NFIC: variants seen among roughly 807,000 people sequenced by gnomAD.
NFIC encodes nuclear factor 1 C-type.
A neutral mutation model predicts 54.4 loss-of-function variants in NFIC; 12 were observed. The observed-to-expected ratio is 0.22, with a 90% CI of 0.14 to 0.36. The LOEUF is 0.36. Among genes scored for constraint, NFIC ranks in the 10% least tolerant of loss-of-function variants. The probability of loss-of-function intolerance (pLI) is 1.00; values close to 1 mark genes in which losing one functional copy is unlikely to be tolerated. For synonymous variants in NFIC, 322 were observed against 319.2 expected (o/e 1.01, Z -0.09); for missense variants, 575 against 718.2 (o/e 0.80, Z 2.28).
chr19:3,420,422 C>T (rs927381594), intron 2 of NFIC, among the ~76,000 whole-genome samples: 2 of 151,884 alleles, frequency 1.3e-5, no homozygotes, highest in Admixed American at 6.6e-5. Flanking sequence ...CGTGGTGGCA[C>T]GTGCCTGTAA....
In NFIC at chr19:3,452,101, C is replaced by CAAAAAA. The variant is rs777727186; in HGVS notation, c.1085-364_1085-359dup. 3.7e-5 allele frequency among the ~76,000 whole-genome samples: 2 copies of CAAAAAA among 54,528 alleles called. No homozygotes were observed. Among genetic ancestry groups the CAAAAAA allele is most frequent in the Non-Finnish European group, 8.2e-5 (2 of 24,414 alleles). The allele number at this position is 54,528 out of a possible 152,430, so 35.8% of individuals were successfully genotyped here. On this transcript the variant is annotated intron_variant, in intron 7 of 10. Coordinates refer to ENST00000443272, the MANE Select transcript of NFIC (RefSeq NM_001245002.2). This position sits in a 1 kb window ranked among gnomAD's most constrained non-coding sequence, Gnocchi z 5.3. ...TGCACTCCAGCCTGGGTGACTGTCT[C>CAAAAAA]AAAAAAAAAAAAAAAAAAAAAAGAC...
chr19:3,394,423 C>T (rs1025287010), intron 2 of NFIC, among the ~76,000 whole-genome samples: 7 of 150,716 alleles, frequency 4.6e-5, no homozygotes, highest in African/African-American at 1.7e-4. Context: ...GGGGCTCCAG[C>T]GAGCTGTGAT....
Position 3,443,030 on chromosome 19 carries a change from C to G in NFIC, c.959-5984C>G, listed in dbSNP as rs910784088. Among the ~76,000 whole-genome samples the G allele has an allele frequency of 4.1e-4, 63 of 152,174 alleles. 1 individual carries two copies. The highest frequency in any genetic ancestry group is 1.3e-4 in the Non-Finnish European group (9 of 68,028). Reference sequence around the variant, plus strand: ...GCTCTTGACATGGAGTGGGTCGAGGCCAGGGATGCTGCTTAGCACCCTGCA... The same window carrying G: ...GCTCTTGACATGGAGTGGGTCGAGGGCAGGGATGCTGCTTAGCACCCTGCA... On this transcript the variant is annotated intron_variant, in intron 6 of 10. Coordinates refer to ENST00000443272, the MANE Select transcript of NFIC (RefSeq NM_001245002.2).
intron 6 of NFIC, among the ~76,000 whole-genome samples, chr19:3,442,947 C>T (rs1174366050): frequency 1.3e-5 from 2 of 152,264 alleles, no homozygotes; most frequent in African/African-American, 4.8e-5. Context: ...GATGCTGCCC[C>T]ACCCCCAGGG....
chr19:3,464,783 C>T lies in NFIC; in HGVS notation c.*2014C>T, dbSNP rs1471534263. On this transcript the variant is annotated 3_prime_UTR_variant, in exon 11 of 11. Transcript: ENST00000443272. ...AGAGAGGTTCGCCATCCTCTGGCCT[C>T]GAGCCCTTGGTCCCTCCGTCCGTCT... 6 of 904,178 alleles carry T rather than the reference C, an allele frequency of 6.6e-6. No individual in the cohort carries two copies. Among genetic ancestry groups the T allele is most frequent in the Non-Finnish European group, 7.9e-6 (6 of 755,704 alleles). The allele number at this position is 904,178 out of a possible 1,614,324, so 56.0% of individuals were successfully genotyped here.
intron 6 of NFIC, among the ~76,000 whole-genome samples, chr19:3,446,740 G>C (rs1186501271): frequency 6.6e-6 from 1 of 152,150 alleles, no homozygotes; most frequent in African/African-American, 2.4e-5. Flanking sequence ...ACTTGAAAAA[G>C]CTTCTCTGGG....
rs368085339 is a variant in NFIC, at chr19:3,449,161, C to T, written c.1084+22C>T. The T allele has an allele frequency of 2.4e-5, 38 of 1,602,550 alleles. No homozygotes were observed. In the Admixed American group the frequency reaches 3.1e-4, roughly 13 times the overall value. ...AGCGGTAAGCGCCACGGGCCCCTGG[C>T]GGGGAGGGGCGGCGGGCCCTCCTAT... is the stretch of plus-strand genomic sequence containing the variant. On this transcript the variant is annotated intron_variant, in intron 7 of 10. Coordinates refer to ENST00000443272, the MANE Select transcript of NFIC (RefSeq NM_001245002.2).
At chr19:3,420,639 T>C (rs1483003615) in intron 2 of NFIC, among the ~76,000 whole-genome samples, 1 of 151,866 alleles carries the variant, frequency 6.6e-6, no homozygotes, top group Non-Finnish European at 1.5e-5. Flanking sequence ...ATTAATCAAA[T>C]AGCAATAGTA....
chr19:3,444,979 G>A (rs374437335), intron 6 of NFIC, among the ~76,000 whole-genome samples: 410 of 151,926 alleles, frequency 2.7e-3, no homozygotes, highest in Non-Finnish European at 3.4e-3. Context: ...ATATATTCAC[G>A]TGCACACGCA....
intron 2 of NFIC, among the ~76,000 whole-genome samples, chr19:3,412,347 A>G (rs764887090): frequency 7.9e-5 from 12 of 152,112 alleles, no homozygotes; most frequent in Non-Finnish European, 1.6e-4. Flanking sequence ...TCCTGGATTC[A>G]AGCCATCCCC....
At chr19:3,373,531 C>T (rs948734341) in intron 1 of NFIC, among the ~76,000 whole-genome samples, 1 of 151,774 alleles carries the variant, frequency 6.6e-6, no homozygotes, top group Non-Finnish European at 1.5e-5. Flanking sequence ...TTGCATGACC[C>T]ATTTCTCCAT....
rs1398219862 is a variant in NFIC, at chr19:3,466,511, C to T, written c.*3742C>T. The T allele has an allele frequency of 6.6e-6, 1 of 152,248 alleles. No homozygotes were observed. Among genetic ancestry groups the T allele is most frequent in the African/African-American group, 2.4e-5 (1 of 41,434 alleles). The allele number at this position is 152,248 out of a possible 1,614,324, so 9.4% of individuals were successfully genotyped here. A position where few individuals can be genotyped will look rare whatever the true frequency, so the allele number is the denominator to read the frequency against. On this transcript the variant is annotated 3_prime_UTR_variant, in exon 11 of 11. Coordinates refer to ENST00000443272, the MANE Select transcript of NFIC (RefSeq NM_001245002.2). This position sits in a 1 kb window ranked among gnomAD's most constrained non-coding sequence, Gnocchi z 4.8. ...TCATACACTCATCCCGTGTTTTCTT[C>T]CAAAAAGTCACCTCAGCAGCCTCCC...
At chr19:3,385,819 G>A (rs1208870458) in intron 2 of NFIC, among the ~76,000 whole-genome samples, 3 of 151,806 alleles carry the variant, frequency 2.0e-5, no homozygotes, top group Non-Finnish European at 4.4e-5. Flanking sequence ...TGATCCACCC[G>A]CCTCGGCCTC....
chr19:3,428,710 C>T (rs1344503064), intron 3 of NFIC, among the ~76,000 whole-genome samples: 1 of 152,090 alleles, frequency 6.6e-6, no homozygotes, highest in Non-Finnish European at 1.5e-5. Flanking sequence ...GGCCTGGTCC[C>T]CTGGGGAGCT....
Position 3,444,253 on chromosome 19 carries a change from AGAG to A in NFIC, c.959-4756_959-4754del, listed in dbSNP as rs1314362405. Reference sequence around the variant, plus strand: ...GATGAGGGCCTTTTGTCAAATACAGAGAGGAGGTCAGATGGGCGTGTGTGTTAA... The same window carrying A: ...GATGAGGGCCTTTTGTCAAATACAGAGAGGTCAGATGGGCGTGTGTGTTAA... On this transcript the variant is annotated intron_variant, in intron 6 of 10. Coordinates refer to ENST00000443272, the MANE Select transcript of NFIC (RefSeq NM_001245002.2). 5.3e-5 allele frequency among the ~76,000 whole-genome samples: 8 copies of A among 151,620 alleles called. No homozygotes were observed. The East Asian group carries it at 1.6e-3, about 29-fold the overall frequency.
chr19:3,441,108 C>G (rs1337525565), intron 6 of NFIC, among the ~76,000 whole-genome samples: 2 of 152,254 alleles, frequency 1.3e-5, no homozygotes, highest in Non-Finnish European at 2.9e-5. Context: ...CCACACCCGG[C>G]TGGCCGCTTT....
At chr19:3,439,333 CAAAAAAAAAAAAAAAAAAAAAAAAAA>C (rs539916342) in intron 6 of NFIC, among the ~76,000 whole-genome samples, 421 of 23,332 alleles carry the variant, frequency 0.018, 9 homozygotes, top group South Asian at 0.065. Flanking sequence ...GACCCTGTCT[CAAAAAAAAAAAAAAAAAAAAAAAAAA>C]AAAAAAAAAA....
intron 2 of NFIC, among the ~76,000 whole-genome samples, chr19:3,392,761 C>T (rs1193205118): frequency 1.3e-5 from 2 of 152,194 alleles, no homozygotes; most frequent in African/African-American, 4.8e-5. Flanking sequence ...CTCCCTCCAG[C>T]TGGGCGAGGG....
At chr19:3,371,938 T>C in intron 1 of NFIC, among the ~76,000 whole-genome samples, 2 of 103,510 alleles carry the variant, frequency 1.9e-5, no homozygotes, top group African/African-American at 4.0e-5. Context: ...CTTCCTTCCT[T>C]CCCTCCCTCC....
Sources: gnomAD v4.1 joint callset for allele counts (sites outside exome capture counted in the v4.1 genomes callset) on GRCh38, gnomAD v4.1.1 for gene constraint, Gnocchi (gnomAD v3.1) non-coding constraint, MANE v1.5 for transcripts, NCBI Gene and HGNC (gene_info 2026-07-23, HGNC 2026-07-21) for gene names.